The following ARNT2 variants were observed in gnomAD, a reference collection of about 807,000 sequenced individuals.
The protein encoded by ARNT2 is aryl hydrocarbon receptor nuclear translocator 2, also known as ARNT protein 2.
A neutral mutation model predicts 91.7 loss-of-function variants in ARNT2; 36 were observed. That is an observed-to-expected ratio of 0.39 (90% CI 0.30 to 0.52). The LOEUF (loss-of-function observed/expected upper bound fraction) is 0.52. Ranked by LOEUF, ARNT2 falls within the 20% of genes least tolerant of loss-of-function variation. ARNT2 has a pLI of 0.72. For synonymous variants in ARNT2, 365 were observed against 347.1 expected (o/e 1.05, Z -0.57); for missense variants, 775 against 939.3 (o/e 0.83, Z 2.29).
At chr15:80,496,603 G>A (rs1429328447) in intron 5 of ARNT2, among the ~76,000 whole-genome samples, 1 of 152,140 alleles carries the variant, frequency 6.6e-6, no homozygotes, top group Non-Finnish European at 1.5e-5. Flanking sequence ...TAACCATATA[G>A]AACCAGGAAA....
At chr15:80,481,031 G>T (rs558989235) in intron 5 of ARNT2, among the ~76,000 whole-genome samples, 1 of 152,160 alleles carries the variant, frequency 6.6e-6, no homozygotes, top group African/African-American at 2.4e-5. Context: ...TATTCCAGCC[G>T]GGATTCTTTG....
chr15:80,561,089 G>T (rs992349807), intron 11 of ARNT2, among the ~76,000 whole-genome samples: 5 of 152,222 alleles, frequency 3.3e-5, no homozygotes, highest in African/African-American at 1.2e-4. Context: ...TAGAGATGGG[G>T]TATTCACAGG....
intron 3 of ARNT2, among the ~76,000 whole-genome samples, chr15:80,463,476 T>A (rs1896591777): frequency 6.6e-6 from 1 of 151,830 alleles, no homozygotes; most frequent in Non-Finnish European, 1.5e-5. Context: ...TTCAGTGGGT[T>A]AGGGTTAGGG....
intron 1 of ARNT2, among the ~76,000 whole-genome samples, chr15:80,431,889 G>GCAGCTGAAGTAGCTCT (rs567463562): frequency 2.4e-4 from 37 of 152,304 alleles, no homozygotes; most frequent in South Asian, 6.2e-4. Flanking sequence ...AGGGGGCTGA[G>GCAGCTGAAGTAGCTCT]CAGCTGAAGT....
chr15:80,454,246 GA>G (rs1896448269), intron 2 of ARNT2, among the ~76,000 whole-genome samples: 1 of 152,090 alleles, frequency 6.6e-6, no homozygotes. Context: ...ACAGGGTGGT[GA>G]GGGGTGGGGG....
chr15:80,452,921 G>A (rs113239611), intron 2 of ARNT2, among the ~76,000 whole-genome samples: 1 of 152,188 alleles, frequency 6.6e-6, no homozygotes, highest in African/African-American at 2.4e-5. Context: ...GATTTGACTG[G>A]GGACCCAGTC....
At chr15:80,556,727 C>G (rs1001383652) in intron 11 of ARNT2, 1 of 152,162 alleles carries the variant, frequency 6.6e-6, no homozygotes, top group African/African-American at 2.4e-5. Flanking sequence ...GCACAGTAGT[C>G]GGAGGAGGTA....
chr15:80,583,945 C>T (rs913227382), intron 17 of ARNT2, among the ~76,000 whole-genome samples: 17 of 152,236 alleles, frequency 1.1e-4, no homozygotes, highest in Non-Finnish European at 2.2e-4. Context: ...ATGGAAAAAG[C>T]ATATAAAATC....
chr15:80,581,193 G>A (rs771563877), intron 16 of ARNT2, 46 bp from the exon 17 acceptor site: 2 of 1,607,424 alleles, frequency 1.2e-6, no homozygotes, highest in Admixed American at 1.7e-5. Context: ...GGGTGCAGGG[G>A]TCTGCTGGTG....
intron 12 of ARNT2, among the ~76,000 whole-genome samples, chr15:80,566,044 A>G (rs769088954): frequency 2.6e-5 from 4 of 152,164 alleles, no homozygotes; most frequent in African/African-American, 9.7e-5. Context: ...CAGATTCTGC[A>G]TGGAGCTACT....
At chr15:80,425,105 A>G (rs961810922) in intron 1 of ARNT2, among the ~76,000 whole-genome samples, 1 of 152,244 alleles carries the variant, frequency 6.6e-6, no homozygotes, top group African/African-American at 2.4e-5. Context: ...AAGTCTTGGC[A>G]CACTGGTTTT....
chr15:80,454,908 A>G (rs867203502), intron 2 of ARNT2, among the ~76,000 whole-genome samples: 15 of 152,154 alleles, frequency 9.9e-5, no homozygotes, highest in Middle Eastern at 3.2e-3. Context: ...AGTAAAATGC[A>G]TTTTCAGCCC....
At chr15:80,483,601 C>T (rs1216832993) in intron 5 of ARNT2, among the ~76,000 whole-genome samples, 3 of 152,200 alleles carry the variant, frequency 2.0e-5, no homozygotes, top group Non-Finnish European at 2.9e-5. Flanking sequence ...ACATCCTCTG[C>T]TCTCCACCAG....
chr15:80,590,776 T>A (rs551856847), intron 17 of ARNT2, among the ~76,000 whole-genome samples: 12 of 152,214 alleles, frequency 7.9e-5, no homozygotes, highest in Non-Finnish European at 1.8e-4. Flanking sequence ...ATGTTTCCTA[T>A]TTTTTGTTTT....
At chr15:80,480,195 C>T (rs890771740) in intron 5 of ARNT2, among the ~76,000 whole-genome samples, 2 of 152,074 alleles carry the variant, frequency 1.3e-5, no homozygotes, top group African/African-American at 4.8e-5. Flanking sequence ...TCTGAGTGGC[C>T]TAAGCCCCAG....
chr15:80,454,011 G>C (rs1206375661), intron 2 of ARNT2, among the ~76,000 whole-genome samples: 4 of 152,176 alleles, frequency 2.6e-5, no homozygotes, highest in African/African-American at 9.7e-5. Context: ...GCCTCCCGCC[G>C]GGCCTAGCAC....
intron 5 of ARNT2, among the ~76,000 whole-genome samples, chr15:80,490,094 G>A (rs1897033655): frequency 6.6e-6 from 1 of 152,132 alleles, no homozygotes; most frequent in African/African-American, 2.4e-5. Flanking sequence ...ACTTTTGTAA[G>A]CACTCCCAGG....
chr15:80,551,589 G>A (rs1898082062), intron 9 of ARNT2, among the ~76,000 whole-genome samples: 1 of 152,076 alleles, frequency 6.6e-6, no homozygotes, highest in Non-Finnish European at 1.5e-5. Flanking sequence ...AGAGTCTATG[G>A]GATGAAGTCC....
At chr15:80,417,602 CTT>C (rs1224498282) in intron 1 of ARNT2, among the ~76,000 whole-genome samples, 1 of 151,198 alleles carries the variant, frequency 6.6e-6, no homozygotes, top group African/African-American at 2.4e-5. Flanking sequence ...CTCTCTCTCT[CTT>C]CTCCTTCCCT....
Sources: allele counts gnomAD v4.1 joint callset (sites outside exome capture counted in the v4.1 genomes callset), GRCh38; gene constraint gnomAD v4.1.1; transcripts MANE v1.5; gene names NCBI Gene and HGNC (gene_info 2026-07-23, HGNC 2026-07-21).